Variants in FOXO3 observed in about 807,000 individuals in gnomAD.
FOXO3 encodes forkhead box O3, also known as forkhead box protein O3.
Under a neutral mutation model 41.9 loss-of-function variants are expected in FOXO3, and 4 were observed. That is an observed-to-expected ratio of 0.10 (90% CI 0.05 to 0.22). FOXO3 has a LOEUF of 0.22. Ranked by LOEUF, FOXO3 falls within the 10% of genes least tolerant of loss-of-function variation. The pLI, the probability that FOXO3 is intolerant of heterozygous loss-of-function variation, is 1.00. For synonymous variants in FOXO3, 318 were observed against 389.3 expected (o/e 0.82, Z 2.16); for missense variants, 534 against 906.8 (o/e 0.59, Z 5.28).
chr6:108,605,267 C>A (rs1254812781), intron 1 of FOXO3, among the ~76,000 whole-genome samples: 1 of 152,054 alleles, frequency 6.6e-6, no homozygotes, highest in African/African-American at 2.4e-5. Context: ...TACAGACGCC[C>A]ACCACCACAC....
chr6:108,584,202 A>G (rs1338429609), intron 1 of FOXO3, among the ~76,000 whole-genome samples: 1 of 152,224 alleles, frequency 6.6e-6, no homozygotes, highest in Non-Finnish European at 1.5e-5. Flanking sequence ...GGGATATGCA[A>G]ACAGAAAGTT....
At chr6:108,655,637 G>A (rs1313058436) in intron 1 of FOXO3, among the ~76,000 whole-genome samples, 1 of 152,194 alleles carries the variant, frequency 6.6e-6, no homozygotes, top group Non-Finnish European at 1.5e-5. Context: ...CTAATAGGCG[G>A]GGTGAAGAAC....
At chr6:108,596,684 C>T (rs567188766) in intron 1 of FOXO3, among the ~76,000 whole-genome samples, 1 of 152,274 alleles carries the variant, frequency 6.6e-6, no homozygotes, top group African/African-American at 2.4e-5. Context: ...ATCCAGAACA[C>T]TAGCCTAATT....
At chr6:108,651,821 G>A (rs1582815999) in intron 1 of FOXO3, among the ~76,000 whole-genome samples, 1 of 152,204 alleles carries the variant, frequency 6.6e-6, no homozygotes, top group African/African-American at 2.4e-5. Flanking sequence ...TTCTACCAGA[G>A]TTTTTGATTG....
chr6:108,589,795 C>G (rs1776685811), intron 1 of FOXO3, among the ~76,000 whole-genome samples: 1 of 152,296 alleles, frequency 6.6e-6, no homozygotes, highest in African/African-American at 2.4e-5. Context: ...TTTGCTGATT[C>G]TAAGATAGAG....
intron 2 of FOXO3, among the ~76,000 whole-genome samples, chr6:108,670,507 C>G (rs1305644834): frequency 6.6e-6 from 1 of 151,186 alleles, no homozygotes; most frequent in Non-Finnish European, 1.5e-5. Context: ...ATTCTGTGGT[C>G]AAATAAGTTT....
intron 1 of FOXO3, among the ~76,000 whole-genome samples, chr6:108,657,896 G>A (rs1479790320): frequency 6.6e-6 from 1 of 152,158 alleles, no homozygotes; most frequent in Non-Finnish European, 1.5e-5. Context: ...GTTGAGCCTT[G>A]AACAATGTAG....
chr6:108,632,948 G>A (rs1443715507), intron 1 of FOXO3, among the ~76,000 whole-genome samples: 1 of 151,996 alleles, frequency 6.6e-6, no homozygotes, highest in South Asian at 2.1e-4. Flanking sequence ...CTTGTGTCTT[G>A]TCTGCCCAGT....
intron 1 of FOXO3, among the ~76,000 whole-genome samples, chr6:108,576,105 ATTAGTGGCCTTGATCAGCCCTTCTCTC>A (rs1776255372): frequency 6.6e-6 from 1 of 152,206 alleles, no homozygotes; most frequent in Non-Finnish European, 1.5e-5. Flanking sequence ...GTTTCTTGAA[ATTAGTGGCCTTGATCAGCCCTTCTCTC>A]TCCAAGCCTG....
chr6:108,684,096 G>A lies in FOXO3; in HGVS notation c.*4304G>A, dbSNP rs1260027719. The A allele has an allele frequency of 1.3e-5, 2 of 152,536 alleles. No individual in the cohort carries two copies. Among genetic ancestry groups the A allele is most frequent in the African/African-American group, 4.8e-5 (2 of 41,414 alleles). 9.4% of individuals were successfully genotyped at this position (152,536 alleles called of 1,614,324 possible). A position where few individuals can be genotyped will look rare whatever the true frequency, so the allele number is the denominator to read the frequency against. On this transcript the variant is annotated 3_prime_UTR_variant, in exon 3 of 3. Transcript: ENST00000406360. Reference sequence around the variant, plus strand: ...TCTTTGATGAATGATTGGTCATGAGGCCTCTTGCCACACTCCAGAAATACG... The same window carrying A: ...TCTTTGATGAATGATTGGTCATGAGACCTCTTGCCACACTCCAGAAATACG...
chr6:108,610,547 AAGAG>A (rs368710958), intron 1 of FOXO3, among the ~76,000 whole-genome samples: 2 of 152,278 alleles, frequency 1.3e-5, no homozygotes, highest in Non-Finnish European at 1.5e-5. Flanking sequence ...TTTGGTTTTT[AAGAG>A]AGAGAACGCA....
At chr6:108,648,162 C>T (rs562477338) in intron 1 of FOXO3, among the ~76,000 whole-genome samples, 1 of 152,208 alleles carries the variant, frequency 6.6e-6, no homozygotes, top group Admixed American at 6.5e-5. Flanking sequence ...TTTCCTGGCC[C>T]AGGACTCCAT....
intron 1 of FOXO3, among the ~76,000 whole-genome samples, chr6:108,587,367 G>A (rs541378265): frequency 2.0e-4 from 30 of 152,246 alleles, no homozygotes; most frequent in African/African-American, 6.7e-4. Flanking sequence ...GGGAAGAATC[G>A]GTCCCAAATT....
At chr6:108,595,524 A>G (rs1283369356) in intron 1 of FOXO3, among the ~76,000 whole-genome samples, 1 of 152,188 alleles carries the variant, frequency 6.6e-6, no homozygotes, top group African/African-American at 2.4e-5. Flanking sequence ...GACCATTTAC[A>G]TAAGTTTTTG....
At chr6:108,567,905 G>A (rs888994328) in intron 1 of FOXO3, among the ~76,000 whole-genome samples, 6 of 152,118 alleles carry the variant, frequency 3.9e-5, no homozygotes, top group South Asian at 2.1e-4. Context: ...AAAGCTAGCC[G>A]GGCATCGTGG....
intron 1 of FOXO3, among the ~76,000 whole-genome samples, chr6:108,573,129 A>C (rs911296518): frequency 5.3e-5 from 8 of 152,100 alleles, no homozygotes; most frequent in African/African-American, 1.9e-4. Flanking sequence ...TACTAAAAAT[A>C]CAAAAAAATT....
At chr6:108,584,141 G>A (rs1167236639) in intron 1 of FOXO3, among the ~76,000 whole-genome samples, 1 of 152,206 alleles carries the variant, frequency 6.6e-6, no homozygotes, top group Non-Finnish European at 1.5e-5. Flanking sequence ...AATAAAGATG[G>A]ACATACAAGT....
intron 2 of FOXO3, among the ~76,000 whole-genome samples, chr6:108,665,252 G>A (rs1351287740): frequency 1.3e-5 from 2 of 152,206 alleles, no homozygotes; most frequent in Non-Finnish European, 2.9e-5. Context: ...GGGATGGGAA[G>A]CTTGGGTCGT....
At chr6:108,593,569 G>T (rs1322715921) in intron 1 of FOXO3, among the ~76,000 whole-genome samples, 1 of 151,588 alleles carries the variant, frequency 6.6e-6, no homozygotes, top group Non-Finnish European at 1.5e-5. Flanking sequence ...GTAGAGATGG[G>T]GTTTCACCAT....
Sources: gnomAD v4.1 joint callset for allele counts (sites outside exome capture counted in the v4.1 genomes callset) on GRCh38, gnomAD v4.1.1 for gene constraint, MANE v1.5 for transcripts, NCBI Gene and HGNC (gene_info 2026-07-23, HGNC 2026-07-21) for gene names.